Variants in TNIK observed in about 807,000 individuals in gnomAD.
The protein encoded by TNIK is TRAF2 and NCK interacting kinase, also known as TRAF2 and NCK-interacting protein kinase.
Under a neutral mutation model 191.3 loss-of-function variants are expected in TNIK, and 49 were observed. The ratio of observed to expected loss-of-function variants is 0.26; its 90% CI spans 0.20 to 0.32. TNIK has a LOEUF of 0.32. TNIK is among the 10% of genes least tolerant of loss of function. The pLI is 1.00. For synonymous variants in TNIK, 594 were observed against 600.9 expected (o/e 0.99, Z 0.17); for missense variants, 1,155 against 1,702.3 (o/e 0.68, Z 5.66).
intron 2 of TNIK, among the ~76,000 whole-genome samples, chr3:171,251,092 T>C (rs563154429): frequency 5.3e-5 from 8 of 152,282 alleles, no homozygotes; most frequent in Admixed American, 5.2e-4. Context: ...TGTACACACA[T>C]CAACTACCAG....
At chr3:171,419,890 C>T (rs1372019653) in intron 1 of TNIK, among the ~76,000 whole-genome samples, 1 of 152,156 alleles carries the variant, frequency 6.6e-6, no homozygotes, top group East Asian at 1.9e-4. Flanking sequence ...GTGGCTACTG[C>T]AGAAGTGGAA....
rs943394343 is a variant in TNIK, at chr3:171,236,119, C to A, written c.124-7898G>T. On this transcript the variant is annotated intron_variant, in intron 2 of 32. Transcript: ENST00000436636. ...AACCTGTTTAATCCTCTAACATTGC[C>A]TGGGACAGCGTCTTGTAAAGGGTAG... Among the ~76,000 whole-genome samples the A allele has an allele frequency of 2.0e-5, 3 of 150,766 alleles. No homozygotes were observed. The East Asian group carries it at 5.9e-4, about 30-fold the overall frequency.
intron 1 of TNIK, among the ~76,000 whole-genome samples, chr3:171,405,996 G>T (rs1409102948): frequency 6.6e-6 from 1 of 152,144 alleles, no homozygotes; most frequent in Non-Finnish European, 1.5e-5. Context: ...AAGGGCGGGA[G>T]GAGATACAGC....
At chr3:171,212,598 C>T (rs1000927370) in intron 3 of TNIK, among the ~76,000 whole-genome samples, 1 of 152,176 alleles carries the variant, frequency 6.6e-6, no homozygotes, top group African/African-American at 2.4e-5. Context: ...TTTGTAGCAC[C>T]TATCAGAATT....
chr3:171,375,652 G>A (rs1003757949), intron 1 of TNIK, among the ~76,000 whole-genome samples: 1 of 152,120 alleles, frequency 6.6e-6, no homozygotes, highest in African/African-American at 2.4e-5. Context: ...ATTCCTCCAG[G>A]TCCTCTGAAT....
At chr3:171,169,892 T>G (rs1735074100) in intron 9 of TNIK, among the ~76,000 whole-genome samples, 1 of 152,220 alleles carries the variant, frequency 6.6e-6, no homozygotes, top group African/African-American at 2.4e-5. Context: ...GGTAATATAT[T>G]TCATATCTTC....
At chr3:171,416,143 G>A (rs1055083129) in intron 1 of TNIK, among the ~76,000 whole-genome samples, 3 of 152,006 alleles carry the variant, frequency 2.0e-5, no homozygotes, top group Admixed American at 1.3e-4. Context: ...AAAACTGACA[G>A]ATAAATGTCC....
intron 1 of TNIK, among the ~76,000 whole-genome samples, chr3:171,402,098 A>G (rs952345629): frequency 6.6e-6 from 1 of 152,234 alleles, no homozygotes; most frequent in African/African-American, 2.4e-5. Context: ...TTAGTTTTGA[A>G]TAGCTAGTTG....
chr3:171,274,591 G>A (rs930204793), intron 2 of TNIK, among the ~76,000 whole-genome samples: 3 of 152,190 alleles, frequency 2.0e-5, no homozygotes, highest in African/African-American at 7.2e-5. Flanking sequence ...GTAATTCTCA[G>A]ATAGATGAAG....
chr3:171,399,338 C>T (rs997437356), intron 1 of TNIK, among the ~76,000 whole-genome samples: 5 of 152,068 alleles, frequency 3.3e-5, no homozygotes, highest in African/African-American at 1.2e-4. Context: ...TCCCTTGGAC[C>T]CTGAGCCTCC....
chr3:171,379,720 A>G (rs909947485), intron 1 of TNIK, among the ~76,000 whole-genome samples: 2 of 152,234 alleles, frequency 1.3e-5, no homozygotes, highest in African/African-American at 2.4e-5. Flanking sequence ...TTTAAGAAGC[A>G]TACATGCAGG....
At chr3:171,225,830 T>G (rs1473957428) in intron 3 of TNIK, 2 of 342,488 alleles carry the variant, frequency 5.8e-6, no homozygotes, top group Non-Finnish European at 1.1e-5. Flanking sequence ...AACTCTCAAC[T>G]GTAGTTCTTC....
intron 2 of TNIK, among the ~76,000 whole-genome samples, chr3:171,347,523 C>T (rs1465005846): frequency 1.3e-5 from 2 of 152,154 alleles, no homozygotes; most frequent in Non-Finnish European, 2.9e-5. Flanking sequence ...TAACTGGTCA[C>T]ACCTACAAAG....
At chr3:171,407,681 T>C (rs984878938) in intron 1 of TNIK, among the ~76,000 whole-genome samples, 1 of 152,186 alleles carries the variant, frequency 6.6e-6, no homozygotes, top group African/African-American at 2.4e-5. Context: ...ATCTAAAAGT[T>C]TAAATTTAAT....
chr3:171,209,064 GGTGTGTGTGTGTGTGTGTGT>G (rs61264225), intron 4 of TNIK, among the ~76,000 whole-genome samples: 16 of 142,016 alleles, frequency 1.1e-4, no homozygotes, highest in African/African-American at 2.1e-4. Flanking sequence ...CTTTGGAAGG[GGTGTGTGTGTGTGTGTGTGT>G]GTGTGTGTGT....
chr3:171,062,218 G>A lies in TNIK; in HGVS notation c.*1663C>T, dbSNP rs1210368252. The stretch of plus-strand genomic sequence containing the variant: ...CAGTAATTATTTTCTCCAGAAACAA[G>A]CCACATTAGTTTTTGTCATTGGATT... On this transcript the variant is annotated 3_prime_UTR_variant, in exon 33 of 33. Coordinates refer to ENST00000436636, the MANE Select transcript of TNIK (RefSeq NM_015028.4). 1.3e-5 allele frequency: 2 copies of A among 152,048 alleles called. No individual in the cohort carries two copies. Among genetic ancestry groups the A allele is most frequent in the African/African-American group, 2.4e-5 (1 of 41,404 alleles). The allele number at this position is 152,048 out of a possible 1,614,324, so 9.4% of individuals were successfully genotyped here.
intron 10 of TNIK, among the ~76,000 whole-genome samples, chr3:171,161,571 G>A (rs1460984993): frequency 6.6e-6 from 1 of 152,120 alleles, no homozygotes; most frequent in Non-Finnish European, 1.5e-5. Context: ...GTTCACATGA[G>A]AAGGAATTAA....
At chr3:171,102,291 T>A (rs1723702699) in intron 21 of TNIK, among the ~76,000 whole-genome samples, 1 of 152,176 alleles carries the variant, frequency 6.6e-6, no homozygotes, top group African/African-American at 2.4e-5. Context: ...GATAGGTGTT[T>A]CATTTTCTTT....
chr3:171,352,873 G>A (rs1339279312), intron 2 of TNIK, among the ~76,000 whole-genome samples: 1 of 152,118 alleles, frequency 6.6e-6, no homozygotes, highest in Non-Finnish European at 1.5e-5. Flanking sequence ...AGGCTTTAAT[G>A]TATTCAGAAA....
Sources: gnomAD v4.1 joint callset for allele counts (sites outside exome capture counted in the v4.1 genomes callset) on GRCh38, gnomAD v4.1.1 for gene constraint, MANE v1.5 for transcripts, NCBI Gene and HGNC (gene_info 2026-07-23, HGNC 2026-07-21) for gene names.